The following FBXO31 variants were observed in gnomAD, a reference collection of about 807,000 sequenced individuals.
The protein encoded by FBXO31 is F-box only protein 31.
In FBXO31, 24 loss-of-function variants were observed where a neutral mutation model predicts 54.4. The ratio of observed to expected loss-of-function variants is 0.44; its 90% CI spans 0.32 to 0.62. FBXO31 has a LOEUF of 0.62. Ranked by LOEUF, FBXO31 falls within the 20% of genes least tolerant of loss-of-function variation. FBXO31 has a pLI of 0.05. For missense variants in FBXO31, 665 were observed against 787.1 expected (o/e 0.84, Z 1.86); for synonymous variants, 388 against 335.6 (o/e 1.16, Z -1.71).
chr16:87,389,095 G>T (rs1907424713), intron 1 of FBXO31, among the ~76,000 whole-genome samples: 2 of 151,804 alleles, frequency 1.3e-5, no homozygotes, highest in South Asian at 4.1e-4. Flanking sequence ...GCTTCCAAAA[G>T]TTACATGAAG....
intron 1 of FBXO31, among the ~76,000 whole-genome samples, chr16:87,366,276 C>T (rs567334252): frequency 1.3e-5 from 2 of 152,318 alleles, no homozygotes; most frequent in Admixed American, 6.5e-5. Context: ...TAAGAGAAGA[C>T]GGTCACAACT....
At chr16:87,375,378 G>A (rs1906779694) in intron 1 of FBXO31, among the ~76,000 whole-genome samples, 1 of 151,886 alleles carries the variant, frequency 6.6e-6, no homozygotes, top group East Asian at 1.9e-4. Context: ...TGTGATCCCA[G>A]CTACCTGGGA....
intron 3 of FBXO31, among the ~76,000 whole-genome samples, chr16:87,344,122 C>G (rs1249969982): frequency 6.6e-6 from 1 of 152,264 alleles, no homozygotes; most frequent in Non-Finnish European, 1.5e-5. Flanking sequence ...TTGAGATGAT[C>G]AGGGAAGCAT....
rs755595947 is a variant in FBXO31, at chr16:87,383,562, C to A, written c.183G>T (p.Pro61=). The A allele has an allele frequency of 1.3e-6, 2 of 1,532,634 alleles. No individual in the cohort carries two copies. The highest frequency in any genetic ancestry group is 2.6e-5 in the East Asian group (1 of 38,374). The allele number at this position is 1,532,634 out of a possible 1,614,324, so 94.9% of individuals were successfully genotyped here. The change falls in exon 1 of 9, where the codon CCG becomes CCT. Residue 61 remains proline, a synonymous_variant. Transcript: ENST00000311635. This position sits in a 1 kb window ranked among gnomAD's most constrained non-coding sequence, Gnocchi z 4.9. ...GCTCCAGCAGCGAGCAGCGCGGGGG[C>A]GGCGGCGAGGGGCCCGCGCACAAGC... The part of the protein sequence containing the change: ...GGGLCAGPSP[P]PPRCSLLELP...
At chr16:87,342,801 G>T in intron 5 of FBXO31, 76 bp downstream of exon 5, 3 of 1,292,330 alleles carry the variant, frequency 2.3e-6, no homozygotes, top group African/African-American at 1.5e-5. Context: ...CTTCTCTCCC[G>T]CATGGGTCTG....
At chr16:87,379,219 C>T (rs926869468) in intron 1 of FBXO31, among the ~76,000 whole-genome samples, 2 of 152,062 alleles carry the variant, frequency 1.3e-5, no homozygotes, top group African/African-American at 4.8e-5. Context: ...ACCTCCACAT[C>T]CCAGGTTCAA....
chr16:87,388,100 G>A (rs1387127521), upstream of FBXO31, among the ~76,000 whole-genome samples: 7 of 152,180 alleles, frequency 4.6e-5, no homozygotes, highest in African/African-American at 1.7e-4. Flanking sequence ...AAAACATGGT[G>A]GAACCTCAGC....
rs1905046120 is a variant in FBXO31 at position 87,336,346 on chromosome 16, A to G, written c.733-82T>C. 3.2e-5 allele frequency: 41 copies of G among 1,265,152 alleles called. No individual in the cohort carries two copies. In the South Asian group the frequency reaches 4.7e-4, roughly 15 times the overall value. The allele number at this position is 1,265,152 out of a possible 1,614,324, so 78.4% of individuals were successfully genotyped here. Reference sequence around the variant, plus strand: ...GCCGGCTGTGCCGCTGAGAGGACACAGTGTGTCCTTCTTTGTCAGTGCACA... The same window carrying G: ...GCCGGCTGTGCCGCTGAGAGGACACGGTGTGTCCTTCTTTGTCAGTGCACA... On this transcript the variant is annotated intron_variant, in intron 5 of 8. Coordinates refer to ENST00000311635, the MANE Select transcript of FBXO31 (RefSeq NM_024735.5). The surrounding 1 kb of genome is among the most constrained non-coding windows in gnomAD (Gnocchi z 6.5).
chr16:87,343,718 G>A lies in FBXO31; in HGVS notation c.537C>T (p.Asp179=), dbSNP rs761155642. The A allele has an allele frequency of 1.2e-6, 2 of 1,614,266 alleles. No homozygotes were observed. Among genetic ancestry groups the A allele is most frequent in the Admixed American group, 1.7e-5 (1 of 60,038 alleles). ...ATCTCATAGGGTCATCGACGTGGGG[G>A]TCATGGGGAGGCAGGTACATCCACC... ...IIGWMYLPPH[D]PHVDDPMRFK... is the part of the protein sequence containing the mutation. The change falls in exon 4 of 9, where the codon GAC becomes GAT. Residue 179 remains aspartate, a synonymous_variant. Transcript: ENST00000311635.
chr16:87,354,762 G>A (rs751971708), intron 2 of FBXO31, among the ~76,000 whole-genome samples: 5 of 152,184 alleles, frequency 3.3e-5, no homozygotes, highest in Non-Finnish European at 7.3e-5. Flanking sequence ...GAGGTCAGGA[G>A]TTTGAGACAA....
chr16:87,368,665 G>C (rs1446859444), intron 1 of FBXO31, among the ~76,000 whole-genome samples: 1 of 150,024 alleles, frequency 6.7e-6, no homozygotes, highest in African/African-American at 2.5e-5. Context: ...GAAGTGTGCT[G>C]GGTAATTATC....
chr16:87,360,090 T>C (rs1485172311), intron 2 of FBXO31, among the ~76,000 whole-genome samples: 2 of 152,226 alleles, frequency 1.3e-5, no homozygotes, highest in African/African-American at 4.8e-5. Flanking sequence ...CACTAGTATC[T>C]ACGATGCCCA....
upstream of FBXO31, among the ~76,000 whole-genome samples, chr16:87,390,497 G>C (rs543091347): frequency 6.6e-6 from 1 of 151,362 alleles, no homozygotes; most frequent in East Asian, 2.0e-4. Flanking sequence ...CTGGAGTGCA[G>C]TGGCAGGATC....
chr16:87,334,096 C>A lies in FBXO31; in HGVS notation c.1187G>T (p.Gly396Val), dbSNP rs1181584872. The A allele has an allele frequency of 6.2e-7, 1 of 1,610,156 alleles. No homozygotes were observed. Among genetic ancestry groups the A allele is most frequent in the Admixed American group, 1.7e-5 (1 of 59,822 alleles). Residue 396 changes from glycine to valine, a missense_variant, in exon 8 of 9, where the codon GGC becomes GTC. Gly to Val is a moderately radical substitution (Grantham distance 109, BLOSUM62 -3). Transcript: ENST00000311635. ...AGGGCTTGGCTGGGACTCCCGGGGG[C>A]CCTGCCGGCCACGACCCTCGCCCGC... ...HEAGEGRGRQGPRESQPSPAQ... is the reference protein window; with the variant it reads ...HEAGEGRGRQVPRESQPSPAQ...
rs951194212 is a variant in FBXO31 at position 87,335,093 on chromosome 16, C to T, written c.996+211G>A. 1.3e-5 allele frequency among the ~76,000 whole-genome samples: 2 copies of T among 152,186 alleles called. No individual in the cohort carries two copies. The highest frequency in any genetic ancestry group is 2.4e-5 in the African/African-American group (1 of 41,454). ...AGGCCACCTTGGAAGCACACAGACT[C>T]CCTGAGGGTCTCGTGGAAATGCAAT... On this transcript the variant is annotated intron_variant, in intron 7 of 8. Transcript: ENST00000311635. The surrounding 1 kb of genome is among the most constrained non-coding windows in gnomAD (Gnocchi z 5.7).
intron 1 of FBXO31, among the ~76,000 whole-genome samples, chr16:87,372,721 T>C (rs867001975): frequency 6.7e-6 from 1 of 148,534 alleles, no homozygotes; most frequent in African/African-American, 2.5e-5. Context: ...CCACCACACC[T>C]GGTTAATTTC....
chr16:87,345,632 G>A lies in FBXO31; in HGVS notation c.489+1542C>T, dbSNP rs1412738513. ...CTGCCCTCCTGCTGAGACCAGCCACGAAGACTGAACACTCTCTCCTAATTC... is the reference window on the plus strand; with the variant it reads ...CTGCCCTCCTGCTGAGACCAGCCACAAAGACTGAACACTCTCTCCTAATTC... On this transcript the variant is annotated intron_variant, in intron 3 of 8. Transcript: ENST00000311635. The surrounding 1 kb of genome is among the most constrained non-coding windows in gnomAD (Gnocchi z 4.9). Among the ~76,000 whole-genome samples, 3 of 152,100 alleles carry A rather than the reference G, an allele frequency of 2.0e-5. No homozygotes were observed. The highest frequency in any genetic ancestry group is 4.4e-5 in the Non-Finnish European group (3 of 68,034).
intron 1 of FBXO31, among the ~76,000 whole-genome samples, chr16:87,366,064 A>C (rs528724419): frequency 6.6e-6 from 1 of 152,216 alleles, no homozygotes; most frequent in Non-Finnish European, 1.5e-5. Flanking sequence ...AAATCGGTCA[A>C]CGTCACCAAA....
At chr16:87,339,254 G>C (rs1905121078) in intron 5 of FBXO31, among the ~76,000 whole-genome samples, 1 of 152,248 alleles carries the variant, frequency 6.6e-6, no homozygotes, top group East Asian at 1.9e-4. Context: ...ATCAGGATGT[G>C]TCACCATGTC....
Sources: allele counts gnomAD v4.1 joint callset (sites outside exome capture counted in the v4.1 genomes callset), GRCh38; gene constraint gnomAD v4.1.1; non-coding constraint Gnocchi (gnomAD v3.1); transcripts MANE v1.5; gene names NCBI Gene and HGNC (gene_info 2026-07-23, HGNC 2026-07-21).